Variants in DHX35 observed in about 807,000 individuals in gnomAD.
DHX35 encodes probable ATP-dependent RNA helicase DHX35.
In DHX35, 84 loss-of-function variants were observed where a neutral mutation model predicts 99.6. The observed-to-expected ratio is 0.84, with a 90% CI of 0.71 to 1.01. DHX35 has a LOEUF of 1.01. Among genes scored for constraint, DHX35 ranks in the 50% least tolerant of loss-of-function variants. The probability of loss-of-function intolerance (pLI) is 0.00; values close to 1 mark genes in which losing one functional copy is unlikely to be tolerated. For missense variants in DHX35, 852 were observed against 888.5 expected (o/e 0.96, Z 0.52); for synonymous variants, 331 against 316.2 (o/e 1.05, Z -0.50).
intron 4 of DHX35, among the ~76,000 whole-genome samples, chr20:38,986,548 G>A (rs1490407204): frequency 6.6e-6 from 1 of 152,054 alleles, no homozygotes; most frequent in Non-Finnish European, 1.5e-5. Context: ...CATCGTAGGT[G>A]TATATATATT....
At chr20:38,991,158 C>T (rs2086331319) in intron 5 of DHX35, among the ~76,000 whole-genome samples, 1 of 152,186 alleles carries the variant, frequency 6.6e-6, no homozygotes, top group Admixed American at 6.5e-5. Context: ...GCCTCTTTAT[C>T]GATAGTACTG....
intron 12 of DHX35, 151 bp from the exon 13 acceptor site, chr20:39,010,129 A>C (rs191110655): frequency 1.4e-5 from 14 of 975,680 alleles, no homozygotes; most frequent in Admixed American, 2.5e-5. Flanking sequence ...CCTAAGTATA[A>C]AAATAACTTT....
chr20:38,975,655 C>T (rs976356267), intron 3 of DHX35, among the ~76,000 whole-genome samples: 25 of 152,268 alleles, frequency 1.6e-4, no homozygotes, highest in African/African-American at 5.5e-4. Flanking sequence ...AACAAAGAAC[C>T]TGAAAATCTC....
chr20:38,964,652 A>G (rs6015992), intron 1 of DHX35, among the ~76,000 whole-genome samples: 53,814 of 151,912 alleles, frequency 0.35, 9,754 homozygotes, highest in Middle Eastern at 0.51. Context: ...GATGATCTCA[A>G]TCTTTTGATC....
intron 13 of DHX35, 61 bp from the exon 14 acceptor site, chr20:39,014,819 C>T (rs2086756764): frequency 6.3e-7 from 1 of 1,594,392 alleles, no homozygotes; most frequent in African/African-American, 1.3e-5. Context: ...AGGAAACAGC[C>T]ACATTTTAAT....
intron 1 of DHX35, chr20:38,963,037 A>G (rs2085858647): frequency 2.6e-5 from 4 of 152,450 alleles, no homozygotes; most frequent in Admixed American, 2.6e-4. Flanking sequence ...TCCACTCCGA[A>G]TGTCTACTAG....
intron 1 of DHX35, among the ~76,000 whole-genome samples, chr20:38,964,392 G>A (rs530070574): frequency 6.6e-6 from 1 of 152,118 alleles, no homozygotes; most frequent in South Asian, 2.1e-4. Flanking sequence ...AGGTCTTCAT[G>A]ACAAGTTAAA....
chr20:39,023,962 G>C (rs1320992687), intron 17 of DHX35, among the ~76,000 whole-genome samples, 195 bp downstream of exon 17: 1 of 152,218 alleles, frequency 6.6e-6, no homozygotes, highest in Non-Finnish European at 1.5e-5. Context: ...GTATTGCTGA[G>C]AAGAACACAG....
intron 13 of DHX35, among the ~76,000 whole-genome samples, chr20:39,012,164 G>A (rs558395678): frequency 7.9e-5 from 12 of 152,106 alleles, no homozygotes; most frequent in African/African-American, 2.7e-4. Flanking sequence ...CAGGAGAAAC[G>A]CTTGAACCCG....
chr20:39,002,665 C>A, intron 9 of DHX35, 107 bp from the exon 10 acceptor site: 1 of 850,364 alleles, frequency 1.2e-6, no homozygotes, highest in Non-Finnish European at 1.9e-6. Context: ...ACCTACTGGG[C>A]AGGCCCAAAC....
At chr20:38,986,412 T>G (rs1471764310) in intron 4 of DHX35, among the ~76,000 whole-genome samples, 1 of 152,192 alleles carries the variant, frequency 6.6e-6, no homozygotes, top group Non-Finnish European at 1.5e-5. Context: ...GCAAATGTAT[T>G]CAAATAGTGA....
Position 39,006,322 on chromosome 20 carries a change from T to C in DHX35, c.1188T>C (p.Arg396=). The stretch of plus-strand genomic sequence containing the variant: ...ATCAGCGAGCAGGACGTGGTGGTCG[T>C]AGTCGCTCGGGAAAATGTTATCGCC... ...SANQRAGRGG[R]SRSGKCYRLY... The change falls in exon 12 of 22, where the codon CGT becomes CGC. Residue 396 remains arginine (R), a synonymous_variant. Transcript: ENST00000252011. 1 of 1,614,160 alleles carries C rather than the reference T, an allele frequency of 6.2e-7. No homozygotes were observed. The highest frequency in any genetic ancestry group is 2.2e-5 in the East Asian group (1 of 44,876).
intron 8 of DHX35, among the ~76,000 whole-genome samples, chr20:39,001,013 G>A (rs1568736847): frequency 6.6e-6 from 1 of 152,120 alleles, no homozygotes; most frequent in Non-Finnish European, 1.5e-5. Context: ...TCATTGGCTG[G>A]AGCCCTCAAG....
At chr20:38,992,796 C>G (rs2086361511) in intron 7 of DHX35, among the ~76,000 whole-genome samples, 1 of 152,128 alleles carries the variant, frequency 6.6e-6, no homozygotes, top group South Asian at 2.1e-4. Context: ...AATCACATCT[C>G]TATCATAAAG....
intron 13 of DHX35, 74 bp downstream of exon 13, chr20:39,010,478 G>C: frequency 6.4e-7 from 1 of 1,569,350 alleles, no homozygotes; most frequent in Non-Finnish European, 8.7e-7. Context: ...CATTGTCGTA[G>C]GGCATGCCAT....
At chr20:38,970,105 A>G (rs1383067978) in intron 2 of DHX35, among the ~76,000 whole-genome samples, 1 of 152,074 alleles carries the variant, frequency 6.6e-6, no homozygotes, top group Non-Finnish European at 1.5e-5. Flanking sequence ...CTGTCTATCT[A>G]TCAGACAGGG....
At chr20:38,982,772 A>G (rs1169453363) in intron 3 of DHX35, among the ~76,000 whole-genome samples, 1 of 152,230 alleles carries the variant, frequency 6.6e-6, no homozygotes, top group Non-Finnish European at 1.5e-5. Flanking sequence ...TTTCTATTGT[A>G]GAAGTAATAC....
intron 14 of DHX35, 32 bp downstream of exon 14, chr20:39,014,966 T>C (rs1288309062): frequency 2.5e-6 from 4 of 1,612,954 alleles, no homozygotes; most frequent in Non-Finnish European, 2.5e-6. Flanking sequence ...TTCTCTCTTA[T>C]TATGTGTTGT....
In DHX35 at chr20:38,987,640, C is replaced by T. The variant is rs1371462697; in HGVS notation, c.346-1173C>T. On this transcript the variant is annotated intron_variant, in intron 4 of 21. Transcript: ENST00000252011. ...TATTAATAAGTTAACTTTTGAATAG[C>T]CTTCTTGGGGGAATGCAGAGATCTT... 2.0e-5 allele frequency among the ~76,000 whole-genome samples: 3 copies of T among 152,066 alleles called. No individual in the cohort carries two copies. In the East Asian group the frequency reaches 5.8e-4, roughly 29 times the overall value.
Sources: gnomAD v4.1 joint callset for allele counts (sites outside exome capture counted in the v4.1 genomes callset) on GRCh38, gnomAD v4.1.1 for gene constraint, MANE v1.5 for transcripts, NCBI Gene and HGNC (gene_info 2026-07-23, HGNC 2026-07-21) for gene names.